DPP3: variants seen among roughly 807,000 people sequenced by gnomAD.
DPP3 encodes the protein dipeptidyl peptidase 3.
In DPP3, 64 loss-of-function variants were observed where a neutral mutation model predicts 89.8. That is an observed-to-expected ratio of 0.71 (90% CI 0.58 to 0.88). DPP3 has a LOEUF of 0.88. DPP3 is among the 40% of genes least tolerant of loss of function. DPP3 has a pLI of 0.00. For synonymous variants in DPP3, 377 were observed against 404.3 expected (o/e 0.93, Z 0.81); for missense variants, 835 against 972.5 (o/e 0.86, Z 1.88).
chr11:66,499,752 A>G (rs1195288839), intron 16 of DPP3, among the ~76,000 whole-genome samples: 2 of 152,098 alleles, frequency 1.3e-5, no homozygotes, highest in East Asian at 3.9e-4. Context: ...CTTGGGTGAC[A>G]CAGCGAAACA....
intron 3 of DPP3, among the ~76,000 whole-genome samples, 182 bp downstream of exon 3, chr11:66,485,444 G>A (rs999765021): frequency 2.6e-5 from 4 of 152,208 alleles, no homozygotes; most frequent in Non-Finnish European, 4.4e-5. Flanking sequence ...GCCTCTTCGT[G>A]TATAAAGGAA....
At chr11:66,487,451 T>G in intron 5 of DPP3, 109 bp downstream of exon 5, 1 of 1,175,356 alleles carries the variant, frequency 8.5e-7, no homozygotes, top group Non-Finnish European at 1.2e-6. Flanking sequence ...ACTCCCTGTG[T>G]ACTAGGGAAG....
chr11:66,493,398 A>T, intron 11 of DPP3, 143 bp from the exon 12 acceptor site: 1 of 896,820 alleles, frequency 1.1e-6, no homozygotes, highest in Non-Finnish European at 1.7e-6. Context: ...TGCAAGGATG[A>T]AATGGGCTGT....
chr11:66,487,064 A>T (rs1855250075), intron 4 of DPP3, among the ~76,000 whole-genome samples: 2 of 152,132 alleles, frequency 1.3e-5, no homozygotes. Context: ...TGGGCCAGCC[A>T]GAGAGAGGCC....
At chr11:66,505,810 A>T (rs953595780) in intron 17 of DPP3, among the ~76,000 whole-genome samples, 17 of 133,322 alleles carry the variant, frequency 1.3e-4, no homozygotes, top group African/African-American at 3.7e-4. Flanking sequence ...TCAACTCTTT[A>T]AAAAAAAAAA....
At chr11:66,494,385 T>C (rs1460369764) in intron 12 of DPP3, among the ~76,000 whole-genome samples, 1 of 152,140 alleles carries the variant, frequency 6.6e-6, no homozygotes, top group Admixed American at 6.5e-5. Context: ...AACTGGGCCC[T>C]GGGGTCAGGA....
intron 12 of DPP3, 69 bp downstream of exon 12, chr11:66,493,702 G>T: frequency 1.3e-6 from 2 of 1,486,828 alleles, no homozygotes; most frequent in Non-Finnish European, 1.8e-6. Flanking sequence ...GCCCTACCCA[G>T]CGGTGAAGCT....
rs548789178 is a variant in DPP3 at position 66,498,488 on chromosome 11, C to T, written c.1878+1011C>T. On this transcript the variant is annotated intron_variant, in intron 16 of 17. Transcript: ENST00000531863. ...AGGTGATCCACCCGCCTTGACCTCC[C>T]AAAGTGCTGGGATTACAGGTGTGAG... Among the ~76,000 whole-genome samples the T allele has an allele frequency of 5.9e-5, 9 of 152,328 alleles. No individual in the cohort carries two copies. The South Asian group carries it at 8.3e-4, about 14-fold the overall frequency.
intron 15 of DPP3, 104 bp downstream of exon 15, chr11:66,495,854 G>C (rs1855523726): frequency 6.6e-7 from 1 of 1,507,442 alleles, no homozygotes; most frequent in Non-Finnish European, 8.9e-7. Flanking sequence ...CAGATGAACT[G>C]GGTTTAATGC....
At chr11:66,481,255 A>G (rs1855070388) in intron 1 of DPP3, among the ~76,000 whole-genome samples, 1 of 152,168 alleles carries the variant, frequency 6.6e-6, no homozygotes, top group East Asian at 1.9e-4. Context: ...TTGGGAGGCC[A>G]AGGCAAGCAG....
At chr11:66,493,773 G>C in intron 12 of DPP3, 140 bp downstream of exon 12, 1 of 854,988 alleles carries the variant, frequency 1.2e-6, no homozygotes, top group Non-Finnish European at 1.8e-6. Context: ...CTTAGGCAGA[G>C]AAGACCCTGT....
chr11:66,495,949 C>T (rs947125962), intron 15 of DPP3, among the ~76,000 whole-genome samples, 199 bp downstream of exon 15: 2 of 152,162 alleles, frequency 1.3e-5, no homozygotes, highest in Non-Finnish European at 2.9e-5. Context: ...GGACTCTCCC[C>T]GGCCACCATT....
At chr11:66,484,771 C>G (rs866312634) in intron 2 of DPP3, among the ~76,000 whole-genome samples, 3 of 151,550 alleles carry the variant, frequency 2.0e-5, no homozygotes, top group Admixed American at 6.6e-5. Context: ...GCCTCTCCGG[C>G]TCTAACATGT....
At position 66,487,155 on chromosome 11, in the gene DPP3, A is replaced by T. The variant is rs919967457; in HGVS notation, c.499-113A>T. 5.3e-5 allele frequency: 51 copies of T among 965,284 alleles called. No homozygotes were observed. The African/African-American group carries it at 7.1e-4, about 13-fold the overall frequency. The allele number at this position is 965,284 out of a possible 1,614,324, so 59.8% of individuals were successfully genotyped here. On this transcript the variant is annotated intron_variant, in intron 4 of 17. Transcript: ENST00000531863. ...TTCCCCTGGAGGTAGATGGAGGGGT[A>T]AGGGGTAGAGGCTGCTGAAAGGAGG...
chr11:66,498,699 T>C (rs1361506562), intron 16 of DPP3, among the ~76,000 whole-genome samples: 1 of 152,102 alleles, frequency 6.6e-6, no homozygotes, highest in Admixed American at 6.6e-5. Context: ...TGAGAGTAAA[T>C]ATACAATATG....
At position 66,491,626 on chromosome 11, in the gene DPP3, T is replaced by C; in HGVS notation, c.929+2T>C. 1 of 1,612,038 alleles carries C rather than the reference T, an allele frequency of 6.2e-7. No individual in the cohort carries two copies. The highest frequency in any genetic ancestry group is 8.5e-7 in the Non-Finnish European group (1 of 1,178,452). On this transcript the variant is annotated splice_donor_variant, in intron 8 of 17. Coordinates refer to ENST00000531863, the MANE Select transcript of DPP3 (RefSeq NM_130443.4). LOFTEE classifies it high-confidence loss of function. ...GGACAAAGGCCCCATCGTGGAGAGG[T>C]GAGGCGCCAGCTCCACCCCACCTGC...
At chr11:66,494,471 C>A (rs1156553380) in intron 12 of DPP3, among the ~76,000 whole-genome samples, 1 of 152,200 alleles carries the variant, frequency 6.6e-6, no homozygotes, top group Non-Finnish European at 1.5e-5. Flanking sequence ...TGTGTGTGGC[C>A]TTGGATAATT....
intron 17 of DPP3, 87 bp downstream of exon 17, chr11:66,504,861 C>T (rs1346975866): frequency 2.1e-6 from 3 of 1,404,296 alleles, no homozygotes; most frequent in South Asian, 3.0e-5. Context: ...CATCCCAGGG[C>T]TCAATAAGAA....
At chr11:66,500,779 G>A (rs1855656997) in intron 16 of DPP3, among the ~76,000 whole-genome samples, 1 of 152,166 alleles carries the variant, frequency 6.6e-6, no homozygotes. Context: ...GCACCGGCCG[G>A]GCGCACTGGC....
Sources: gnomAD v4.1 joint callset for allele counts (sites outside exome capture counted in the v4.1 genomes callset) on GRCh38, gnomAD v4.1.1 for gene constraint, MANE v1.5 for transcripts, NCBI Gene and HGNC (gene_info 2026-07-23, HGNC 2026-07-21) for gene names.